Variants in TMEM132C observed in about 807,000 individuals in gnomAD.
The protein encoded by TMEM132C is protein phosphatase 1, regulatory subunit 152.
TMEM132C carries 29 observed loss-of-function variants against 61.4 expected under a neutral mutation model. The observed-to-expected ratio is 0.47, with a 90% CI of 0.35 to 0.64. The LOEUF is 0.64. Among genes scored for constraint, TMEM132C ranks in the 30% least tolerant of loss-of-function variants. The pLI, the probability that TMEM132C is intolerant of heterozygous loss-of-function variation, is 0.00. For missense variants in TMEM132C, 1,408 were observed against 1,476.9 expected (o/e 0.95, Z 0.76); for synonymous variants, 656 against 633.1 (o/e 1.04, Z -0.54).
chr12:128,372,110 A>G (rs555136335), intron 1 of TMEM132C, among the ~76,000 whole-genome samples: 8 of 152,244 alleles, frequency 5.3e-5, no homozygotes, highest in African/African-American at 2.4e-5. Flanking sequence ...GCTTCTCTCA[A>G]TTGCTGGCTG....
At chr12:128,453,494 A>G (rs1870244159) in intron 2 of TMEM132C, among the ~76,000 whole-genome samples, 1 of 152,158 alleles carries the variant, frequency 6.6e-6, no homozygotes, top group Admixed American at 6.5e-5. Flanking sequence ...GTGTTCCAGG[A>G]GAACAAATGT....
At chr12:128,379,586 G>A (rs1874337667) in intron 1 of TMEM132C, among the ~76,000 whole-genome samples, 1 of 152,154 alleles carries the variant, frequency 6.6e-6, no homozygotes, top group African/African-American at 2.4e-5. Context: ...TTGGCTGGTG[G>A]TTGCATTGCT....
rs148043604 is a variant in TMEM132C at position 128,596,951 on chromosome 12, G to A, written c.1122-19201G>A. 3.6e-4 allele frequency among the ~76,000 whole-genome samples: 55 copies of A among 152,236 alleles called. 1 individual carries two copies. The East Asian group carries it at 9.1e-3, about 25-fold the overall frequency. The stretch of plus-strand genomic sequence containing the variant: ...ATTCTTTTCAGCTCATCTGTTTTCT[G>A]TTAAGGATGCTTTCAAGGCGTTCCA... On this transcript the variant is annotated intron_variant, in intron 3 of 8. Transcript: ENST00000435159.
intron 1 of TMEM132C, among the ~76,000 whole-genome samples, chr12:128,365,144 G>A (rs1260330830): frequency 6.6e-6 from 1 of 152,190 alleles, no homozygotes; most frequent in Non-Finnish European, 1.5e-5. Flanking sequence ...CTGGGGGCAG[G>A]AATCTGTCTG....
chr12:128,614,542 G>T (rs1340488880), intron 3 of TMEM132C, among the ~76,000 whole-genome samples: 1 of 152,162 alleles, frequency 6.6e-6, no homozygotes, highest in African/African-American at 2.4e-5. Context: ...AAGAGCATTG[G>T]ACTCGGAAAC....
intron 1 of TMEM132C, among the ~76,000 whole-genome samples, chr12:128,316,369 C>T (rs1023123931): frequency 6.6e-6 from 1 of 152,106 alleles, no homozygotes; most frequent in Non-Finnish European, 1.5e-5. Context: ...CCTTCCCCAC[C>T]ACCTCCACAG....
chr12:128,480,399 A>G (rs932285913), intron 2 of TMEM132C, among the ~76,000 whole-genome samples: 3 of 152,202 alleles, frequency 2.0e-5, no homozygotes, highest in African/African-American at 7.2e-5. Flanking sequence ...AGACAGCAAT[A>G]AGCCAGTAAG....
chr12:128,447,806 A>G lies in TMEM132C; in HGVS notation c.974+32186A>G, dbSNP rs1870040020. On this transcript the variant is annotated intron_variant, in intron 2 of 8. Coordinates refer to ENST00000435159, the MANE Select transcript of TMEM132C (RefSeq NM_001136103.3). ...CAGTGGCGCAATCTCGGCTCACTGC[A>G]AGCTCCGCCTCCCGGGTTCACGCCA... 2.4e-5 allele frequency among the ~76,000 whole-genome samples: 3 copies of G among 125,804 alleles called. 1 individual carries two copies. The South Asian group carries it at 7.4e-4, about 31-fold the overall frequency. 82.5% of individuals were successfully genotyped at this position (125,804 alleles called of 152,430 possible).
rs114447000 is a variant in TMEM132C, at chr12:128,352,308, G to T, written c.86-62424G>T. ...CATGGCGGCAGGAAGGAGAAGTGTC[G>T]AGTGAAGTTGGGGAAAGCCCCTCAT... On this transcript the variant is annotated intron_variant, in intron 1 of 8. Transcript: ENST00000435159. Among the ~76,000 whole-genome samples, 460 of 152,224 alleles carry T rather than the reference G, an allele frequency of 3.0e-3. 3 individuals carry two copies. Among genetic ancestry groups the T allele is most frequent in the African/African-American group, 0.01 (430 of 41,532 alleles).
At chr12:128,396,737 G>A (rs1206827610) in intron 1 of TMEM132C, among the ~76,000 whole-genome samples, 4 of 152,158 alleles carry the variant, frequency 2.6e-5, no homozygotes, top group African/African-American at 9.7e-5. Context: ...CAGGCTAAGT[G>A]AGCACCCACC....
chr12:128,468,649 C>CA lies in TMEM132C; in HGVS notation c.974+53035dup, dbSNP rs560041308. ...TACTCTAAACAAACAAACAAACAAA[C>CA]AAAAAATCTCTGACTGCCAAGGTGG... On this transcript the variant is annotated intron_variant, in intron 2 of 8. Transcript: ENST00000435159. Among the ~76,000 whole-genome samples the CA allele has an allele frequency of 9.9e-5, 15 of 152,208 alleles. No individual in the cohort carries two copies. In the East Asian group the frequency reaches 2.7e-3, roughly 27 times the overall value.
chr12:128,355,969 C>T (rs1873491727), intron 1 of TMEM132C, among the ~76,000 whole-genome samples: 2 of 152,144 alleles, frequency 1.3e-5, no homozygotes, highest in South Asian at 2.1e-4. Context: ...TCTTTCCCTG[C>T]TGCAAGCAGG....
chr12:128,536,642 G>T (rs1218070435), intron 2 of TMEM132C, among the ~76,000 whole-genome samples: 4 of 152,174 alleles, frequency 2.6e-5, no homozygotes, highest in Middle Eastern at 6.3e-3. Flanking sequence ...CACCCGCAGT[G>T]TTCCCGCATG....
At chr12:128,612,758 C>G (rs985484228) in intron 3 of TMEM132C, among the ~76,000 whole-genome samples, 1 of 152,208 alleles carries the variant, frequency 6.6e-6, no homozygotes, top group African/African-American at 2.4e-5. Flanking sequence ...GGGAGGTCAC[C>G]TCACTGCTCA....
intron 3 of TMEM132C, among the ~76,000 whole-genome samples, chr12:128,566,341 G>A (rs930739531): frequency 2.6e-5 from 4 of 152,108 alleles, no homozygotes; most frequent in African/African-American, 7.2e-5. Flanking sequence ...TTGACATTTT[G>A]TGTGCATATT....
chr12:128,505,363 G>C (rs930763390), intron 2 of TMEM132C, among the ~76,000 whole-genome samples: 1 of 152,070 alleles, frequency 6.6e-6, no homozygotes, highest in Non-Finnish European at 1.5e-5. Flanking sequence ...ATCCTAGGAG[G>C]CATCTCTAGT....
At chr12:128,618,894 C>CT (rs1876898991) in intron 4 of TMEM132C, among the ~76,000 whole-genome samples, 1 of 152,148 alleles carries the variant, frequency 6.6e-6, no homozygotes, top group Non-Finnish European at 1.5e-5. Context: ...CTGGGATGTA[C>CT]AACTTGACCT....
chr12:128,701,060 C>T (rs568796434), intron 8 of TMEM132C, among the ~76,000 whole-genome samples: 12 of 152,104 alleles, frequency 7.9e-5, no homozygotes, highest in Non-Finnish European at 1.2e-4. Context: ...GACTGTATGC[C>T]GGTCTAGAAA....
At chr12:128,405,039 C>T (rs539545437) in intron 1 of TMEM132C, among the ~76,000 whole-genome samples, 4 of 144,984 alleles carry the variant, frequency 2.8e-5, no homozygotes, top group African/African-American at 5.0e-5. Flanking sequence ...GGCTGTCTCC[C>T]GTGGCCGTAG....
Sources: gnomAD v4.1 joint callset for allele counts (sites outside exome capture counted in the v4.1 genomes callset) on GRCh38, gnomAD v4.1.1 for gene constraint, MANE v1.5 for transcripts, NCBI Gene and HGNC (gene_info 2026-07-23, HGNC 2026-07-21) for gene names.